The following CSMD3 variants were observed in gnomAD, a reference collection of about 807,000 sequenced individuals.
CSMD3 encodes CUB and sushi domain-containing protein 3.
Under a neutral mutation model 435.2 loss-of-function variants are expected in CSMD3, and 177 were observed. That is an observed-to-expected ratio of 0.41 (90% CI 0.36 to 0.46). CSMD3 has a LOEUF of 0.46. Among genes scored for constraint, CSMD3 ranks in the 20% least tolerant of loss-of-function variants. The pLI is 0.34. For missense variants in CSMD3, 4,265 were observed against 4,504.6 expected, an observed-to-expected ratio of 0.95 and a Z score of 1.52; for synonymous variants, 1,656 against 1,520.5, an observed-to-expected ratio of 1.09 and a Z score of -2.07.
chr8:112,293,038 T>C (rs749156262), intron 54 of CSMD3, among the ~76,000 whole-genome samples: 2 of 152,096 alleles, frequency 1.3e-5, no homozygotes, highest in Non-Finnish European at 2.9e-5. Flanking sequence ...GAGCAGAGTA[T>C]TGAAATGCAA....
At chr8:113,351,706 G>A (rs540884127) in intron 1 of CSMD3, among the ~76,000 whole-genome samples, 110 of 152,152 alleles carry the variant, frequency 7.2e-4, no homozygotes, top group Middle Eastern at 3.4e-3. Context: ...ATATTATCTA[G>A]TTTAAGTCTT....
At chr8:113,233,892 C>A (rs1406708654) in intron 3 of CSMD3, among the ~76,000 whole-genome samples, 1 of 152,020 alleles carries the variant, frequency 6.6e-6, no homozygotes, top group Non-Finnish European at 1.5e-5. Flanking sequence ...ATAAAAAGAT[C>A]AGAGTATCAT....
At chr8:112,811,850 G>C (rs754228307) in intron 12 of CSMD3, among the ~76,000 whole-genome samples, 14 of 152,084 alleles carry the variant, frequency 9.2e-5, no homozygotes, top group Non-Finnish European at 2.1e-4. Flanking sequence ...CCTGCTCTTT[G>C]TATAAAACCT....
intron 3 of CSMD3, among the ~76,000 whole-genome samples, chr8:113,243,682 T>G (rs1186644867): frequency 6.6e-6 from 1 of 152,128 alleles, no homozygotes; most frequent in African/African-American, 2.4e-5. Flanking sequence ...TTTGAGTAAC[T>G]GTCAAACTGT....
At chr8:112,658,429 A>G (rs1313739706) in intron 17 of CSMD3, among the ~76,000 whole-genome samples, 1 of 152,198 alleles carries the variant, frequency 6.6e-6, no homozygotes, top group Non-Finnish European at 1.5e-5. Context: ...TATTATGAAC[A>G]TAGCATATGA....
intron 45 of CSMD3, among the ~76,000 whole-genome samples, chr8:112,320,652 C>G (rs375732396): frequency 4.8e-5 from 7 of 145,738 alleles, no homozygotes; most frequent in African/African-American, 1.8e-4. Context: ...CCCTCCACCC[C>G]ACGACAGGCC....
rs556267429 is a variant in CSMD3, at chr8:112,291,954, A to C, written c.8789-259T>G. Among the ~76,000 whole-genome samples the C allele has an allele frequency of 2.0e-5, 3 of 152,172 alleles. No individual in the cohort carries two copies. In the South Asian group the frequency reaches 6.2e-4, roughly 31 times the overall value. The stretch of plus-strand genomic sequence containing the variant: ...AAGTATTGCGCTAAGTACGAATTTT[A>C]AAAATGACATATTTTAAGCTATAGC... On this transcript the variant is annotated intron_variant, in intron 55 of 70. Coordinates refer to ENST00000297405, the MANE Select transcript of CSMD3 (RefSeq NM_198123.2).
chr8:113,263,927 T>C (rs1483558897), intron 3 of CSMD3, among the ~76,000 whole-genome samples: 2 of 151,704 alleles, frequency 1.3e-5, no homozygotes, highest in Admixed American at 1.3e-4. Context: ...TTATCTAGCA[T>C]AGTATAATGT....
chr8:112,324,334 C>T (rs887722613), intron 45 of CSMD3, among the ~76,000 whole-genome samples: 3 of 151,934 alleles, frequency 2.0e-5, no homozygotes, highest in East Asian at 1.9e-4. Context: ...GTTCACGTTC[C>T]GCGTATAGCT....
intron 10 of CSMD3, among the ~76,000 whole-genome samples, chr8:112,899,882 G>A (rs2082063209): frequency 6.7e-6 from 1 of 149,952 alleles, no homozygotes; most frequent in African/African-American, 2.4e-5. Context: ...TATATCTTCT[G>A]ATTAGTTTTG....
At chr8:112,530,038 T>C (rs1825371253) in intron 27 of CSMD3, among the ~76,000 whole-genome samples, 1 of 149,388 alleles carries the variant, frequency 6.7e-6, no homozygotes, top group African/African-American at 2.5e-5. Flanking sequence ...ACTAGCGAGG[T>C]CCAGCAGCAG....
At chr8:112,635,713 G>T (rs1044643324) in intron 22 of CSMD3, among the ~76,000 whole-genome samples, 1 of 151,936 alleles carries the variant, frequency 6.6e-6, no homozygotes, top group Non-Finnish European at 1.5e-5. Flanking sequence ...ACACTAACTT[G>T]GATGATCATA....
chr8:112,386,682 A>C (rs1829995337), intron 36 of CSMD3, among the ~76,000 whole-genome samples: 1 of 152,068 alleles, frequency 6.6e-6, no homozygotes, highest in Non-Finnish European at 1.5e-5. Flanking sequence ...TATTTTTAGT[A>C]GAGACGGGGT....
At chr8:113,142,638 G>A (rs1185970063) in intron 4 of CSMD3, among the ~76,000 whole-genome samples, 2 of 150,754 alleles carry the variant, frequency 1.3e-5, no homozygotes, top group East Asian at 3.9e-4. Flanking sequence ...ATGGTTAATG[G>A]GTAGACACAT....
intron 6 of CSMD3, among the ~76,000 whole-genome samples, chr8:113,014,051 A>T (rs2086360234): frequency 6.6e-6 from 1 of 152,096 alleles, no homozygotes; most frequent in African/African-American, 2.4e-5. Flanking sequence ...GTAGCTAGCC[A>T]CTTATCAGAT....
intron 10 of CSMD3, among the ~76,000 whole-genome samples, chr8:112,915,987 C>T (rs1179288287): frequency 1.3e-5 from 2 of 151,634 alleles, no homozygotes; most frequent in African/African-American, 4.8e-5. Context: ...GAAAGGAGAC[C>T]ATACAATCCC....
intron 4 of CSMD3, among the ~76,000 whole-genome samples, chr8:113,146,382 A>C (rs75621130): frequency 0.047 from 7,076 of 151,536 alleles, 559 homozygotes; most frequent in African/African-American, 0.16. Context: ...AGGTAATAAG[A>C]GTATCAGTGA....
At chr8:112,321,500 G>T (rs557463683) in intron 45 of CSMD3, among the ~76,000 whole-genome samples, 1 of 152,222 alleles carries the variant, frequency 6.6e-6, no homozygotes, top group African/African-American at 2.4e-5. Flanking sequence ...ATTTCAGGTG[G>T]AGGAGAAAAC....
intron 10 of CSMD3, among the ~76,000 whole-genome samples, chr8:112,870,085 C>T (rs1432330735): frequency 6.6e-6 from 1 of 151,868 alleles, no homozygotes; most frequent in African/African-American, 2.4e-5. Flanking sequence ...AATTATTTGC[C>T]TTTTCAATTA....
Sources: gnomAD v4.1 joint callset for allele counts (sites outside exome capture counted in the v4.1 genomes callset) on GRCh38, gnomAD v4.1.1 for gene constraint, MANE v1.5 for transcripts, NCBI Gene and HGNC (gene_info 2026-07-23, HGNC 2026-07-21) for gene names.